ZNF438: variants seen among roughly 807,000 people sequenced by gnomAD.
ZNF438 encodes zinc finger protein 438.
Under a neutral mutation model 38.0 loss-of-function variants are expected in ZNF438, and 25 were observed. That is an observed-to-expected ratio of 0.66 (90% CI 0.48 to 0.92). ZNF438 has a LOEUF of 0.92. Among genes scored for constraint, ZNF438 ranks in the 40% least tolerant of loss-of-function variants. The pLI is 0.00. For missense variants in ZNF438, 1,007 were observed against 999.6 expected (o/e 1.01, Z -0.10); for synonymous variants, 372 against 364.1 (o/e 1.02, Z -0.25).
chr10:30,846,331 T>C (rs1341454090), intron 5 of ZNF438, among the ~76,000 whole-genome samples: 1 of 152,224 alleles, frequency 6.6e-6, no homozygotes, highest in Non-Finnish European at 1.5e-5. Context: ...GTCAGGTTCA[T>C]TTGTGCAGGG....
At chr10:31,006,135 T>C (rs1306646075) in intron 1 of ZNF438, among the ~76,000 whole-genome samples, 1 of 152,202 alleles carries the variant, frequency 6.6e-6, no homozygotes, top group Non-Finnish European at 1.5e-5. Flanking sequence ...CTAAAATCCT[T>C]AGAATCTCCA....
intron 1 of ZNF438, among the ~76,000 whole-genome samples, chr10:30,966,499 T>C (rs2050134531): frequency 6.6e-6 from 1 of 151,782 alleles, no homozygotes; most frequent in Admixed American, 6.6e-5. Flanking sequence ...TGAAACCCTG[T>C]CTCCACTAAA....
intron 1 of ZNF438, chr10:30,999,344 C>A (rs914782112): frequency 3.3e-5 from 5 of 152,280 alleles, no homozygotes; most frequent in African/African-American, 1.2e-4. Context: ...TCACCAGGGG[C>A]TCTGTTCACC....
chr10:30,969,249 A>T (rs1288322959), intron 1 of ZNF438, among the ~76,000 whole-genome samples: 1 of 152,232 alleles, frequency 6.6e-6, no homozygotes, highest in African/African-American at 2.4e-5. Context: ...GGGAACAAAA[A>T]AATCAAAAGA....
chr10:30,858,717 A>G (rs1302816360), intron 4 of ZNF438, among the ~76,000 whole-genome samples: 2 of 152,224 alleles, frequency 1.3e-5, no homozygotes, highest in Non-Finnish European at 2.9e-5. Flanking sequence ...AAACAAGCAC[A>G]TTCCTAACTG....
intron 1 of ZNF438, among the ~76,000 whole-genome samples, chr10:30,970,533 A>G (rs1432302834): frequency 2.6e-5 from 4 of 152,218 alleles, no homozygotes; most frequent in Non-Finnish European, 4.4e-5. Context: ...ACTCTCTGAG[A>G]GCTATCCCAT....
At chr10:30,920,135 C>T (rs1204185138) in intron 2 of ZNF438, 1 of 152,252 alleles carries the variant, frequency 6.6e-6, no homozygotes, top group Non-Finnish European at 1.5e-5. Context: ...TCTCCTGCTT[C>T]TGGTCTCTTT....
At chr10:30,953,506 T>A (rs1400310501) in intron 1 of ZNF438, among the ~76,000 whole-genome samples, 4 of 151,174 alleles carry the variant, frequency 2.6e-5, no homozygotes, top group Non-Finnish European at 5.9e-5. Flanking sequence ...TACTAGCCAA[T>A]AAAATAAACT....
In ZNF438 at chr10:31,026,071, T is replaced by C. The variant is rs1029352100; in HGVS notation, c.-192+5762A>G. On this transcript the variant is annotated intron_variant, in intron 1 of 5. Transcript: ENST00000413025. Reference sequence around the variant, plus strand: ...CTGAAACTGGATTCCTTCCTTACACTTTATACCAAAATTAATTCAAGATGG... The same window carrying C: ...CTGAAACTGGATTCCTTCCTTACACCTTATACCAAAATTAATTCAAGATGG... Among the ~76,000 whole-genome samples, 9 of 152,280 alleles carry C rather than the reference T, an allele frequency of 5.9e-5. No homozygotes were observed. The East Asian group carries it at 1.7e-3, about 29-fold the overall frequency.
chr10:30,889,098 A>C (rs1205423007), intron 3 of ZNF438, among the ~76,000 whole-genome samples: 1 of 152,212 alleles, frequency 6.6e-6, no homozygotes, highest in Non-Finnish European at 1.5e-5. Context: ...ATAAATCCTG[A>C]CTAATAATAG....
At chr10:30,894,872 G>T (rs897911389) in intron 3 of ZNF438, among the ~76,000 whole-genome samples, 4 of 152,094 alleles carry the variant, frequency 2.6e-5, no homozygotes, top group Non-Finnish European at 4.4e-5. Context: ...CTACTAATTG[G>T]TATAAATGGC....
At chr10:30,874,138 A>G (rs1420157486) in intron 4 of ZNF438, among the ~76,000 whole-genome samples, 13 of 70,506 alleles carry the variant, frequency 1.8e-4, no homozygotes, top group South Asian at 1.1e-3. Context: ...ATATATATAT[A>G]TATATATATA....
rs576406732 is a variant in ZNF438, at chr10:30,887,677, C to T, written c.-31-10612G>A. On this transcript the variant is annotated intron_variant, in intron 3 of 5. Coordinates refer to ENST00000413025, the Ensembl canonical transcript of ZNF438. ...TGCTGGGATTACAGGCGTGAGCCACCGCGCCCGGCCTAAACTCCTCTTTCA... is the reference window on the plus strand; with the variant it reads ...TGCTGGGATTACAGGCGTGAGCCACTGCGCCCGGCCTAAACTCCTCTTTCA... Among the ~76,000 whole-genome samples the T allele has an allele frequency of 7.9e-4, 120 of 152,292 alleles. No individual in the cohort carries two copies. In the South Asian group the frequency reaches 0.018, roughly 23 times the overall value.
intron 3 of ZNF438, among the ~76,000 whole-genome samples, chr10:30,898,639 T>C (rs3021457): frequency 0.78 from 118,656 of 152,010 alleles, 47,089 homozygotes; most frequent in African/African-American, 0.89. Context: ...GGGGGAACGC[T>C]TAGTTAGATT....
intron 1 of ZNF438, among the ~76,000 whole-genome samples, chr10:30,973,393 T>G (rs1447942964): frequency 6.6e-6 from 1 of 152,172 alleles, no homozygotes; most frequent in East Asian, 1.9e-4. Context: ...TAATAAATAT[T>G]AGCCATTTAT....
chr10:30,882,175 T>C (rs2039347588), intron 3 of ZNF438, among the ~76,000 whole-genome samples: 1 of 152,108 alleles, frequency 6.6e-6, no homozygotes, highest in Non-Finnish European at 1.5e-5. Context: ...AAAGAAATTG[T>C]ATATAAAAAC....
chr10:31,007,584 CTTTTGTT>C (rs2055281992), intron 1 of ZNF438, among the ~76,000 whole-genome samples: 1 of 152,132 alleles, frequency 6.6e-6, no homozygotes, highest in Admixed American at 6.5e-5. Flanking sequence ...CCGGCCAGAT[CTTTTGTT>C]TTTTGTTTGT....
At chr10:30,852,909 G>A (rs1341978234) in intron 4 of ZNF438, among the ~76,000 whole-genome samples, 1 of 151,636 alleles carries the variant, frequency 6.6e-6, no homozygotes, top group Admixed American at 6.6e-5. Context: ...TAATTTTTAA[G>A]TTTTATTTTC....
intron 1 of ZNF438, among the ~76,000 whole-genome samples, chr10:31,014,329 T>G (rs1053415247): frequency 2.6e-5 from 4 of 152,182 alleles, no homozygotes; most frequent in Non-Finnish European, 5.9e-5. Flanking sequence ...AAGATCAGGG[T>G]GCCAGCATGG....
Sources: allele counts gnomAD v4.1 joint callset (sites outside exome capture counted in the v4.1 genomes callset), GRCh38; gene constraint gnomAD v4.1.1; transcripts MANE v1.5; gene names NCBI Gene and HGNC (gene_info 2026-07-23, HGNC 2026-07-21).